STK36: variants seen among roughly 807,000 people sequenced by gnomAD.
STK36 encodes serine/threonine-protein kinase 36.
A neutral mutation model predicts 142.2 loss-of-function variants in STK36; 116 were observed. The observed-to-expected ratio is 0.82, with a 90% CI of 0.70 to 0.95. The LOEUF (loss-of-function observed/expected upper bound fraction) is 0.95, where lower values mean the gene tolerates loss of function less well. STK36 is among the 40% of genes least tolerant of loss of function. STK36 has a pLI of 0.00. For missense variants in STK36, 1,422 were observed against 1,617.2 expected, an observed-to-expected ratio of 0.88 and a Z score of 2.07; for synonymous variants, 619 against 641.7, an observed-to-expected ratio of 0.96 and a Z score of 0.53.
rs1396867930 is a variant in STK36 at position 218,676,189 on chromosome 2, C to A, written c.595C>A (p.Pro199Thr). ...ATATGAACTGGCAGTAGGCACCCCT[C>A]CCTTCTATGCTACAAGCATCTTTCA... ...ILYELAVGTP[P>T]FYATSIFQLV... is the part of the protein sequence containing the mutation. Residue 199 changes from proline (P) to threonine (T), a missense_variant, in exon 6 of 27, where the codon CCC becomes ACC. Pro to Thr is a conservative substitution (Grantham distance 38). Around this residue, in one of 2 missense-constraint regions of STK36, gnomAD observed 460 missense variants for 449.6 expected, o/e 1.02. Coordinates refer to ENST00000295709, the MANE Select transcript of STK36 (RefSeq NM_015690.5). 1.2e-6 allele frequency: 2 copies of A among 1,614,204 alleles called. No homozygotes were observed. The highest frequency in any genetic ancestry group is 1.7e-6 in the Non-Finnish European group (2 of 1,180,046).
At chr2:218,699,955 A>G (rs1159447211) in intron 26 of STK36, among the ~76,000 whole-genome samples, 2 of 148,232 alleles carry the variant, frequency 1.3e-5, no homozygotes, top group South Asian at 2.1e-4. Flanking sequence ...ACAGAGTTTC[A>G]CTCGTACTGC....
Position 218,685,244 on chromosome 2 carries a change from A to G in STK36, c.1380+16A>G. The G allele has an allele frequency of 6.2e-7, 1 of 1,614,128 alleles. No individual in the cohort carries two copies. The highest frequency in any genetic ancestry group is 8.5e-7 in the Non-Finnish European group (1 of 1,179,980). On this transcript the variant is annotated intron_variant, in intron 11 of 26. Coordinates refer to ENST00000295709, the MANE Select transcript of STK36 (RefSeq NM_015690.5). ...TGGAGGGCAGGTAATGGGGAGAAAG[A>G]CACTGTGGATGGGATCAAGACTGTT...
chr2:218,686,439 T>G (rs1940782248), intron 11 of STK36, among the ~76,000 whole-genome samples: 1 of 151,882 alleles, frequency 6.6e-6, no homozygotes, highest in Non-Finnish European at 1.5e-5. Context: ...TTGTATTTTT[T>G]GTAGAGATAG....
At chr2:218,681,366 A>G (rs1397863858) in intron 10 of STK36, among the ~76,000 whole-genome samples, 1 of 152,198 alleles carries the variant, frequency 6.6e-6, no homozygotes, top group Non-Finnish European at 1.5e-5. Context: ...ACCTCAGGTG[A>G]TCTGCCTGCC....
chr2:218,687,034 A>G (rs1443742157), intron 11 of STK36, among the ~76,000 whole-genome samples: 1 of 152,186 alleles, frequency 6.6e-6, no homozygotes, highest in Middle Eastern at 3.2e-3. Flanking sequence ...ACATCTTTTC[A>G]TGGCTTATTC....
At chr2:218,693,186 GA>G in intron 16 of STK36, 53 bp from the exon 17 acceptor site, 1 of 1,479,588 alleles carries the variant, frequency 6.8e-7, no homozygotes, top group African/African-American at 1.4e-5. Flanking sequence ...CATATGTGAG[GA>G]ATAGGGTTGT....
intron 9 of STK36, 74 bp downstream of exon 9, chr2:218,680,154 A>G: frequency 5.5e-6 from 8 of 1,451,246 alleles, no homozygotes; most frequent in Non-Finnish European, 7.6e-6. Flanking sequence ...AAGCAAATAC[A>G]GAATGGTCCC....
In STK36 at chr2:218,676,100, C is replaced by T. The variant is rs1383559192; in HGVS notation, c.506C>T (p.Pro169Leu). The T allele has an allele frequency of 6.2e-7, 1 of 1,614,150 alleles. No individual in the cohort carries two copies. The highest frequency in any genetic ancestry group is 1.1e-5 in the South Asian group (1 of 91,060). Residue 169 changes from proline to leucine, a missense_variant, in exon 6 of 27, where the codon CCA (proline) becomes CTA (leucine). By Grantham distance (98) the Pro-to-Leu change is moderately conservative. Around this residue, in one of 2 missense-constraint regions of STK36, gnomAD observed 460 missense variants for 449.6 expected, o/e 1.02. Coordinates refer to ENST00000295709, the MANE Select transcript of STK36 (RefSeq NM_015690.5). ...AAAGGCACACCACTCTATATGTCTC[C>T]AGAGCTGGTGGAGGAGCGACCATAC... ...SIKGTPLYMS[P>L]ELVEERPYDH...
chr2:218,674,995 T>C (rs1940168998), intron 4 of STK36, among the ~76,000 whole-genome samples: 1 of 152,240 alleles, frequency 6.6e-6, no homozygotes, highest in African/African-American at 2.4e-5. Flanking sequence ...GTGTATTGAA[T>C]ATTTACTATG....
chr2:218,684,796 C>T (rs1940704800), intron 10 of STK36: 1 of 277,362 alleles, frequency 3.6e-6, no homozygotes, highest in Non-Finnish European at 6.8e-6. Context: ...TAGTGACTGA[C>T]TTTATGATCT....
In STK36 at chr2:218,693,797, C is replaced by T. The variant is rs539969962; in HGVS notation, c.2223C>T (p.Ser741=). ...LLGQEPLALE[S]LFMLIQGKVK... is the part of the protein sequence containing the mutation. ...GGCAGGAGCCCCTGGCCTTGGAATC[C>T]CTGTTTATGTTGATTCAGGGCAAGG... is the stretch of plus-strand genomic sequence containing the variant. The change falls in exon 18 of 27, where the codon TCC becomes TCT. Residue 741 remains serine (S), a synonymous_variant. Coordinates refer to ENST00000295709, the MANE Select transcript of STK36 (RefSeq NM_015690.5). The T allele has an allele frequency of 6.2e-7, 1 of 1,614,024 alleles. No homozygotes were observed. The highest frequency in any genetic ancestry group is 1.1e-5 in the South Asian group (1 of 91,080).
chr2:218,680,218 A>T (rs1575125396), intron 9 of STK36, 138 bp downstream of exon 9: 1 of 779,730 alleles, frequency 1.3e-6, no homozygotes, highest in East Asian at 2.7e-5. Context: ...TGAGTCCTGG[A>T]TTCTTGGATT....
At position 218,673,048 on chromosome 2, in the gene STK36, A is replaced by G. The variant is rs1311783032; in HGVS notation, c.84+135A>G. ...GACTCCCTCATACTTCTTATGGAGT[A>G]TAAGCTTTGAAGTTGGATTATTTGG... On this transcript the variant is annotated intron_variant, in intron 2 of 26. Transcript: ENST00000295709. 5 of 733,694 alleles carry G rather than the reference A, an allele frequency of 6.8e-6. No homozygotes were observed. In the Admixed American group the frequency reaches 1.2e-4, roughly 17 times the overall value. 45.4% of individuals were successfully genotyped at this position (733,694 alleles called of 1,614,324 possible).
chr2:218,693,240 G>C lies in STK36; in HGVS notation c.2044G>C (p.Val682Leu). 1.9e-6 allele frequency: 3 copies of C among 1,614,064 alleles called. No individual in the cohort carries two copies. Among genetic ancestry groups the C allele is most frequent in the Non-Finnish European group, 2.5e-6 (3 of 1,179,966 alleles). The change falls in exon 17 of 27, where the codon GTC becomes CTC. Residue 682 changes from valine to leucine, a missense_variant and splice_region_variant. By Grantham distance (32) the Val-to-Leu change is conservative. Transcript: ENST00000295709. Reference sequence around the variant, plus strand: ...TGAGCCTTCAGGTATGTCTCTATAGGTCTGTTGGCATTTGGCAAATCAGCT... The same window carrying C: ...TGAGCCTTCAGGTATGTCTCTATAGCTCTGTTGGCATTTGGCAAATCAGCT... ...LPDCWDAKEQ[V>L]CWHLANQLTE...
In STK36 at chr2:218,698,938, C is replaced by T. The variant is rs1225365489; in HGVS notation, c.3394C>T (p.Leu1132Phe). The change falls in exon 26 of 27, where the codon CTC becomes TTC. Residue 1132 changes from leucine to phenylalanine, a missense_variant. Transcript: ENST00000295709. ...ENSVRAHTYR[L>F]LGHLLQHSMA... ...TTCTGTGCGGGCACACACTTATAGG[C>T]TCCTGGGACACTTGCTCCAACACAG... 1.2e-6 allele frequency: 2 copies of T among 1,614,040 alleles called. No homozygotes were observed. The highest frequency in any genetic ancestry group is 1.3e-5 in the African/African-American group (1 of 74,934).
At position 218,698,648 on chromosome 2, in the gene STK36, G is replaced by C. The variant is rs764537273; in HGVS notation, c.3104G>C (p.Ser1035Thr). 10 of 1,614,102 alleles carry C rather than the reference G, an allele frequency of 6.2e-6. No individual in the cohort carries two copies. The highest frequency in any genetic ancestry group is 5.1e-6 in the Non-Finnish European group (6 of 1,180,020). Residue 1035 changes from serine to threonine, a missense_variant, in exon 26 of 27, where the codon AGC becomes ACC. Around this residue, in one of 2 missense-constraint regions of STK36, gnomAD observed 962 missense variants for 1,167.5 expected, o/e 0.82. Transcript: ENST00000295709. ...TTGATGCAAGTGGAGCTGCCCATCA[G>C]CCTTCTCACACGCCTGGCCCTCATG... ...LPLMQVELPI[S>T]LLTRLALMDP...
Position 218,697,520 on chromosome 2 carries a change from G to T in STK36, c.2819G>T (p.Cys940Phe). The change falls in exon 24 of 27, where the codon TGC (cysteine) becomes TTC (phenylalanine). Residue 940 changes from cysteine (C) to phenylalanine (F), a missense_variant. By Grantham distance (205) the Cys-to-Phe change is radical. This residue lies in a region of STK36 where 962 missense variants were observed against 1,167.5 expected (regional missense o/e 0.82). Coordinates refer to ENST00000295709, the MANE Select transcript of STK36 (RefSeq NM_015690.5). ...ACCTTTACCCAGGAGCCCCAGTTATGCCTGAGCTGCCTGTCCCAGCATGGA... is the reference window on the plus strand; with the variant it reads ...ACCTTTACCCAGGAGCCCCAGTTATTCCTGAGCTGCCTGTCCCAGCATGGA... ...MATFTQEPQL[C>F]LSCLSQHGSI... 6.2e-7 allele frequency: 1 copy of T among 1,614,210 alleles called. No homozygotes were observed. The highest frequency in any genetic ancestry group is 8.5e-7 in the Non-Finnish European group (1 of 1,180,046).
At chr2:218,675,236 GGGAA>G in intron 4 of STK36, 103 bp from the exon 5 acceptor site, 1 of 1,228,812 alleles carries the variant, frequency 8.1e-7, no homozygotes, top group Non-Finnish European at 1.1e-6. Flanking sequence ...CTGCAAGAAA[GGGAA>G]GGAAGAAAAG....
At chr2:218,675,520 CTTT>C (rs33970984) in intron 5 of STK36, 47 bp downstream of exon 5, 20,061 of 1,120,178 alleles carry the variant, frequency 0.018, no homozygotes, top group East Asian at 0.029. Flanking sequence ...CACACGGAAT[CTTT>C]TTTTTTTTTT....
Sources: gnomAD v4.1 joint callset for allele counts (sites outside exome capture counted in the v4.1 genomes callset) on GRCh38, gnomAD v4.1.1 for gene constraint, gnomAD v4.1.1 regional missense constraint, MANE v1.5 for transcripts, NCBI Gene and HGNC (gene_info 2026-07-23, HGNC 2026-07-21) for gene names.